NFATC1: variants seen among roughly 807,000 people sequenced by gnomAD.
The protein encoded by NFATC1 is nuclear factor of activated T cells 1, also known as nuclear factor of activated T-cells, cytoplasmic 1.
In NFATC1, 22 loss-of-function variants were observed where a neutral mutation model predicts 76.0. That is an observed-to-expected ratio of 0.29 (90% CI 0.21 to 0.41). The LOEUF (loss-of-function observed/expected upper bound fraction) is 0.41, where lower values mean the gene tolerates loss of function less well. Among genes scored for constraint, NFATC1 ranks in the 10% least tolerant of loss-of-function variants. The pLI, the probability that NFATC1 is intolerant of heterozygous loss-of-function variation, is 1.00. For synonymous variants in NFATC1, 704 were observed against 613.1 expected (o/e 1.15, Z -2.19); for missense variants, 1,357 against 1,337.7 (o/e 1.01, Z -0.23).
At chr18:79,487,931 A>G (rs1323953979) in intron 9 of NFATC1, among the ~76,000 whole-genome samples, 2 of 152,198 alleles carry the variant, frequency 1.3e-5, no homozygotes, top group African/African-American at 2.4e-5. Flanking sequence ...TCGGAGGCAC[A>G]GTGAGTCCTC....
At chr18:79,487,190 C>A (rs2089532015) in intron 9 of NFATC1, among the ~76,000 whole-genome samples, 1 of 152,216 alleles carries the variant, frequency 6.6e-6, no homozygotes, top group Non-Finnish European at 1.5e-5. Flanking sequence ...GGCTGCAGAT[C>A]CTCCTGCGAG....
At chr18:79,464,590 G>A (rs866678838) in intron 7 of NFATC1, among the ~76,000 whole-genome samples, 1 of 135,778 alleles carries the variant, frequency 7.4e-6, no homozygotes, top group Non-Finnish European at 1.6e-5. Flanking sequence ...GCTGTGTGTG[G>A]ATGTTCACGC....
chr18:79,465,110 G>T lies in NFATC1; in HGVS notation c.1960-2340G>T, dbSNP rs1307763342. On this transcript the variant is annotated intron_variant, in intron 7 of 9. Coordinates refer to ENST00000427363, the MANE Select transcript of NFATC1 (RefSeq NM_001278669.2). The surrounding 1 kb of genome is among the most constrained non-coding windows in gnomAD (Gnocchi z 4.2). ...TCAACAGTGGAGTTTAAAGCAGGTT[G>T]CGTAGGTGCTGGTGCCATTTGGAAC... Among the ~76,000 whole-genome samples the T allele has an allele frequency of 1.3e-5, 2 of 152,168 alleles. No individual in the cohort carries two copies. Among genetic ancestry groups the T allele is most frequent in the Non-Finnish European group, 2.9e-5 (2 of 68,024 alleles).
intron 6 of NFATC1, among the ~76,000 whole-genome samples, chr18:79,458,710 C>T (rs1301645693): frequency 6.6e-6 from 1 of 152,244 alleles, no homozygotes; most frequent in Non-Finnish European, 1.5e-5. Context: ...TCCTTCCTGC[C>T]AGGGGCTGAG....
At chr18:79,419,382 C>T (rs949120128) in intron 2 of NFATC1, among the ~76,000 whole-genome samples, 2 of 151,594 alleles carry the variant, frequency 1.3e-5, no homozygotes, top group Non-Finnish European at 2.9e-5. Context: ...GCCCGGGAGC[C>T]CCCCTAGGAG....
chr18:79,493,237 G>A (rs548283004), intron 9 of NFATC1, among the ~76,000 whole-genome samples: 1 of 152,372 alleles, frequency 6.6e-6, no homozygotes, highest in South Asian at 2.1e-4. Flanking sequence ...GGGCGGACTC[G>A]CGGTGGATTA....
At chr18:79,437,653 ATGGTGGCACCTCGGG>A (rs2086829168) in intron 3 of NFATC1, among the ~76,000 whole-genome samples, 1 of 152,094 alleles carries the variant, frequency 6.6e-6, no homozygotes, top group Non-Finnish European at 1.5e-5. Flanking sequence ...GAGTGTCCTG[ATGGTGGCACCTCGGG>A]CAGCCGCCAC....
chr18:79,513,299 G>C (rs2090304099), intron 9 of NFATC1, among the ~76,000 whole-genome samples: 1 of 152,136 alleles, frequency 6.6e-6, no homozygotes, highest in Non-Finnish European at 1.5e-5. Context: ...CCGTGGCAGA[G>C]GGCACCTTGG....
chr18:79,514,583 A>C (rs1462784452), intron 9 of NFATC1, among the ~76,000 whole-genome samples: 2 of 151,016 alleles, frequency 1.3e-5, no homozygotes, highest in Non-Finnish European at 3.0e-5. Context: ...AAAAAAAAAA[A>C]AAAAAAAACC....
intron 1 of NFATC1, among the ~76,000 whole-genome samples, chr18:79,408,438 T>G (rs1380018533): frequency 6.6e-6 from 1 of 152,240 alleles, no homozygotes; most frequent in African/African-American, 2.4e-5. Flanking sequence ...AAATTACTGA[T>G]TTCCCTAATA....
chr18:79,521,673 C>G (rs1322807246), intron 9 of NFATC1, among the ~76,000 whole-genome samples: 1 of 2,986 alleles, frequency 3.3e-4, no homozygotes. Context: ...GGGGGGGGGG[C>G]GTCTGCTGAT....
intron 9 of NFATC1, among the ~76,000 whole-genome samples, chr18:79,487,397 G>C (rs201175010): frequency 6.6e-6 from 1 of 152,204 alleles, no homozygotes; most frequent in Admixed American, 6.5e-5. Flanking sequence ...ACGTTACCCC[G>C]TGCGGCTCTG....
At chr18:79,400,274 G>GGGGC in intron 1 of NFATC1, 1 of 1,108,902 alleles carries the variant, frequency 9.0e-7, no homozygotes, top group Non-Finnish European at 1.1e-6. Context: ...GGGGCGGGGC[G>GGGGC]GGGACGGGGG....
chr18:79,425,388 C>A (rs2086290910), intron 2 of NFATC1, among the ~76,000 whole-genome samples: 1 of 152,230 alleles, frequency 6.6e-6, no homozygotes, highest in East Asian at 1.9e-4. Flanking sequence ...TGCGGGAGGA[C>A]CCTGAAACCC....
At chr18:79,492,245 A>G (rs958457543) in intron 9 of NFATC1, among the ~76,000 whole-genome samples, 1 of 152,138 alleles carries the variant, frequency 6.6e-6, no homozygotes, top group African/African-American at 2.4e-5. Context: ...AAGGTCACGC[A>G]CAGCCCACAT....
intron 7 of NFATC1, among the ~76,000 whole-genome samples, chr18:79,464,717 T>A (rs539604933): frequency 0.013 from 1,803 of 139,490 alleles, 131 homozygotes; most frequent in African/African-American, 0.04. Flanking sequence ...TTTATTTTTT[T>A]TTTTTTGAGA....
chr18:79,427,406 A>G (rs2086387231), intron 2 of NFATC1, among the ~76,000 whole-genome samples: 1 of 86,952 alleles, frequency 1.2e-5, no homozygotes, highest in African/African-American at 5.8e-5. Context: ...GGGGAGCTGG[A>G]TGGCTGGCCT....
chr18:79,399,679 T>C (rs576791401), intron 1 of NFATC1, among the ~76,000 whole-genome samples: 1,572 of 151,912 alleles, frequency 0.01, 12 homozygotes, highest in Non-Finnish European at 0.016. Context: ...GACCGGCGGG[T>C]TTCCCGCGGG....
intron 3 of NFATC1, among the ~76,000 whole-genome samples, chr18:79,437,148 G>A (rs902060878): frequency 5.9e-5 from 9 of 152,202 alleles, no homozygotes; most frequent in Non-Finnish European, 1.0e-4. Context: ...GCGGGACCTC[G>A]GCCATGGTGA....
Sources: allele counts gnomAD v4.1 joint callset (sites outside exome capture counted in the v4.1 genomes callset), GRCh38; gene constraint gnomAD v4.1.1; non-coding constraint Gnocchi (gnomAD v3.1); transcripts MANE v1.5; gene names NCBI Gene and HGNC (gene_info 2026-07-23, HGNC 2026-07-21).